Variants in KIF4B observed in about 807,000 individuals in gnomAD.
The protein encoded by KIF4B is chromosome-associated kinesin KIF4B.
KIF4B carries 60 observed loss-of-function variants against 69.0 expected under a neutral mutation model. That is an observed-to-expected ratio of 0.87 (90% CI 0.71 to 1.08). The LOEUF (loss-of-function observed/expected upper bound fraction) is 1.08, where lower values mean the gene tolerates loss of function less well. Ranked by LOEUF, KIF4B falls within the 50% of genes least tolerant of loss-of-function variation. The pLI is 0.00. For missense variants in KIF4B, 1,357 were observed against 1,451.9 expected, an observed-to-expected ratio of 0.93 and a Z score of 1.06; for synonymous variants, 489 against 533.0, an observed-to-expected ratio of 0.92 and a Z score of 1.14.
At position 155,014,602 on chromosome 5, in the gene KIF4B, A is replaced by C. The variant is rs1395922620; in HGVS notation, c.743A>C (p.Lys248Thr). The C allele has an allele frequency of 3.7e-6, 6 of 1,612,516 alleles. No homozygotes were observed. The East Asian group carries it at 1.1e-4, about 30-fold the overall frequency. ...GATCTCGCTGGATCAGAAAGACAGA[A>C]GAAAACCAAGGCTGAAGGGGATCGT... ...LVDLAGSERQ[K>T]KTKAEGDRLK... Residue 248 changes from lysine (K) to threonine (T), a missense_variant, in exon 1 of 1, where the codon AAG becomes ACG. Lys to Thr is a moderately conservative substitution (Grantham distance 78, BLOSUM62 -1). Coordinates refer to ENST00000435029, the MANE Select transcript of KIF4B (RefSeq NM_001099293.3).
chr5:155,016,359 A>C lies in KIF4B; in HGVS notation c.2500A>C (p.Ile834Leu). ...ETEMELRSAQ[I>L]ADLQQKLLDA... ...TGAAATGGAACTCAGGAGTGCTCAG[A>C]TTGCTGACCTACAGCAGAAGCTGCT... Residue 834 changes from isoleucine (I) to leucine (L), a missense_variant, in exon 1 of 1, where the codon ATT becomes CTT. By Grantham distance (5) the Ile-to-Leu change is conservative. Transcript: ENST00000435029. 6.2e-7 allele frequency: 1 copy of C among 1,614,224 alleles called. No homozygotes were observed.
Position 155,014,569 on chromosome 5 carries a change from A to T in KIF4B, c.710A>T (p.His237Leu), listed in dbSNP as rs1765291000. Reference protein sequence around the residue: ...DKNCSFRSKLHLVDLAGSERQ... With the variant: ...DKNCSFRSKLLLVDLAGSERQ... ...AATTGCAGCTTTCGCTCCAAGCTGC[A>T]TCTTGTAGATCTCGCTGGATCAGAA... The change falls in exon 1 of 1, where the codon CAT becomes CTT. Residue 237 changes from histidine to leucine, a missense_variant. His to Leu is a moderately conservative substitution (Grantham distance 99). Coordinates refer to ENST00000435029, the MANE Select transcript of KIF4B (RefSeq NM_001099293.3). 4 of 1,614,174 alleles carry T rather than the reference A, an allele frequency of 2.5e-6. No individual in the cohort carries two copies. In the East Asian group the frequency reaches 8.9e-5, roughly 36 times the overall value.
At position 155,015,162 on chromosome 5, in the gene KIF4B, G is replaced by A. The variant is rs757833636; in HGVS notation, c.1303G>A (p.Glu435Lys). The A allele has an allele frequency of 1.9e-6, 3 of 1,614,238 alleles. No individual in the cohort carries two copies. The highest frequency in any genetic ancestry group is 1.7e-6 in the Non-Finnish European group (2 of 1,180,044). The change falls in exon 1 of 1, where the codon GAA becomes AAA. Residue 435 changes from glutamate (E) to lysine (K), a missense_variant. Glu to Lys is a moderately conservative substitution (Grantham distance 56). Coordinates refer to ENST00000435029, the MANE Select transcript of KIF4B (RefSeq NM_001099293.3). ...QVNEKLNAKL[E>K]ELRQHVACKL... ...GAATGAAAAACTGAACGCCAAGCTA[G>A]AAGAGCTCAGGCAGCATGTGGCCTG...
Position 155,017,797 on chromosome 5 carries a change from G to A in KIF4B, c.*233G>A, listed in dbSNP as rs549364272. ...GCTGCTAAACCACCTGCTGAAGAGA[G>A]AACCAACAGACTTTCCTAATGACTC... On this transcript the variant is annotated 3_prime_UTR_variant, in exon 1 of 1. Coordinates refer to ENST00000435029, the MANE Select transcript of KIF4B (RefSeq NM_001099293.3). 39 of 663,924 alleles carry A rather than the reference G, an allele frequency of 5.9e-5. No individual in the cohort carries two copies. The highest frequency in any genetic ancestry group is 8.9e-5 in the Non-Finnish European group (36 of 403,854). 41.1% of individuals were successfully genotyped at this position (663,924 alleles called of 1,614,324 possible). A position where few individuals can be genotyped will look rare whatever the true frequency, so the allele number is the denominator to read the frequency against.
rs1344937739 is a variant in KIF4B at position 155,015,333 on chromosome 5, G to A, written c.1474G>A (p.Val492Ile). 1 of 1,614,222 alleles carries A rather than the reference G, an allele frequency of 6.2e-7. No individual in the cohort carries two copies. The highest frequency in any genetic ancestry group is 1.3e-5 in the African/African-American group (1 of 75,068). Residue 492 changes from valine (V) to isoleucine (I), a missense_variant, in exon 1 of 1, where the codon GTA (valine) becomes ATA (isoleucine). Transcript: ENST00000435029. ...CACGGCTGCAGCCATTGATACTGCG[G>A]TAGAAGAAGAAGCTCAAGTGGAAAC... ...ACTAAAIDTA[V>I]EEEAQVETSP...
chr5:155,015,971 G>A lies in KIF4B; in HGVS notation c.2112G>A (p.Thr704=), dbSNP rs747737133. 1.2e-5 allele frequency: 19 copies of A among 1,614,206 alleles called. No individual in the cohort carries two copies. The highest frequency in any genetic ancestry group is 1.6e-4 in the Middle Eastern group (1 of 6,062). ...AATCCAGTGTGCTCAGACGTAAAAC[G>A]GAAGAGGCAGCAGCTGCCAACAAGC... is the stretch of plus-strand genomic sequence containing the variant. The part of the protein sequence containing the change: ...QKQSSVLRRK[T]EEAAAANKRL... The change falls in exon 1 of 1, where the codon ACG becomes ACA. Residue 704 remains threonine (T), a synonymous_variant. Transcript: ENST00000435029.
chr5:155,015,450 A>T lies in KIF4B; in HGVS notation c.1591A>T (p.Asn531Tyr). 1 of 1,614,210 alleles carries T rather than the reference A, an allele frequency of 6.2e-7. No homozygotes were observed. The highest frequency in any genetic ancestry group is 8.5e-7 in the Non-Finnish European group (1 of 1,180,040). ...QMSKEVVELN[N>Y]ALALKEALVR... is the part of the protein sequence containing the mutation. The stretch of plus-strand genomic sequence containing the variant: ...GTCTAAGGAGGTGGTTGAGTTGAAT[A>T]ACGCCCTTGCACTGAAAGAGGCCCT... Residue 531 changes from asparagine to tyrosine, a missense_variant, in exon 1 of 1, where the codon AAC becomes TAC. Asn to Tyr is a moderately radical substitution (Grantham distance 143, BLOSUM62 -2). Coordinates refer to ENST00000435029, the MANE Select transcript of KIF4B (RefSeq NM_001099293.3).
Position 155,014,824 on chromosome 5 carries a change from A to G in KIF4B, c.965A>G (p.Glu322Gly). 1.9e-6 allele frequency: 3 copies of G among 1,614,186 alleles called. No individual in the cohort carries two copies. Among genetic ancestry groups the G allele is most frequent in the Non-Finnish European group, 2.5e-6 (3 of 1,180,030 alleles). ...CVSPADSNLE[E>G]TLSTLRYADR... ...AGTCCTGCTGACTCCAATCTAGAGG[A>G]AACATTAAGTACCCTTCGCTATGCT... Residue 322 changes from glutamate (E) to glycine (G), a missense_variant, in exon 1 of 1, where the codon GAA becomes GGA. Transcript: ENST00000435029.
In KIF4B at chr5:155,013,924, A is replaced by G. The variant is rs886261481; in HGVS notation, c.65A>G (p.Lys22Arg). ...CTGCGTTGTCGCCCTCTGGTCCCCAAAGAGATTAGCGAGGGCTGCCAGATG... is the reference window on the plus strand; with the variant it reads ...CTGCGTTGTCGCCCTCTGGTCCCCAGAGAGATTAGCGAGGGCTGCCAGATG... ...VALRCRPLVP[K>R]EISEGCQMCL... The change falls in exon 1 of 1, where the codon AAA (lysine) becomes AGA (arginine). Residue 22 changes from lysine to arginine, a missense_variant. By Grantham distance (26) the Lys-to-Arg change is conservative. Transcript: ENST00000435029. 5.6e-6 allele frequency: 9 copies of G among 1,614,226 alleles called. No homozygotes were observed. The highest frequency in any genetic ancestry group is 1.3e-5 in the African/African-American group (1 of 75,056).
chr5:155,013,800 G>T lies in KIF4B; in HGVS notation c.-60G>T. 6.3e-7 allele frequency: 1 copy of T among 1,596,112 alleles called. No homozygotes were observed. Among genetic ancestry groups the T allele is most frequent in the South Asian group, 1.1e-5 (1 of 88,608 alleles). ...AAAGCTCCGGCTGGGACAGGGCGGC[G>T]GGAGACCCCGGGTGAACGGGGAAGG... On this transcript the variant is annotated 5_prime_UTR_variant, in exon 1 of 1. Transcript: ENST00000435029.
Position 155,014,515 on chromosome 5 carries a change from C to G in KIF4B, c.656C>G (p.Ser219Cys). The G allele has an allele frequency of 6.2e-7, 1 of 1,614,054 alleles. No homozygotes were observed. Among genetic ancestry groups the G allele is most frequent in the Non-Finnish European group, 8.5e-7 (1 of 1,179,974 alleles). Residue 219 changes from serine (S) to cysteine (C), a missense_variant, in exon 1 of 1, where the codon TCC becomes TGC. Transcript: ENST00000435029. ...CGATCTCATGCCATCTTTACAATCT[C>G]CATAGAGCAAAGAAAGAAAAGTGAC... ...SSRSHAIFTI[S>C]IEQRKKSDKN...
chr5:155,014,029 C>G lies in KIF4B; in HGVS notation c.170C>G (p.Pro57Arg). The G allele has an allele frequency of 2.5e-6, 4 of 1,614,182 alleles. No homozygotes were observed. Among genetic ancestry groups the G allele is most frequent in the Non-Finnish European group, 3.4e-6 (4 of 1,180,034 alleles). Residue 57 changes from proline to arginine, a missense_variant, in exon 1 of 1, where the codon CCC becomes CGC. Transcript: ENST00000435029. ...KSFTYDFVFD[P>R]CTEQEEVFNK... ...TTCACCTACGATTTTGTGTTTGACC[C>G]CTGTACTGAGCAGGAAGAAGTCTTC...
At position 155,016,933 on chromosome 5, in the gene KIF4B, CA is replaced by C. The variant is rs769430912; in HGVS notation, c.3078del (p.Lys1026AsnfsTer19). The C allele has an allele frequency of 4.3e-6, 7 of 1,614,194 alleles. No homozygotes were observed. Among genetic ancestry groups the C allele is most frequent in the Admixed American group, 1.7e-5 (1 of 60,022 alleles). ...TCTTTTGAATATATCCCACCTAAGC[CA>C]AAACCTTCTCGTGTTAAAGAAAAGT... ...DSSFEYIPPKPKPSRVKEKFL... is the reference protein window; with the variant it reads ...DSSFEYIPPKXKPSRVKEKFL... On this transcript the variant is annotated frameshift_variant, in exon 1 of 1. Coordinates refer to ENST00000435029, the MANE Select transcript of KIF4B (RefSeq NM_001099293.3). LOFTEE classifies it low-confidence loss of function (END_TRUNC).
chr5:155,015,995 G>A lies in KIF4B; in HGVS notation c.2136G>A (p.Lys712=). ...CGGAAGAGGCAGCAGCTGCCAACAA[G>A]CGACTCAAGGATGCTCTCCAGAAAC... ...RKTEEAAAAN[K]RLKDALQKQR... is the part of the protein sequence containing the mutation. Residue 712 remains lysine, a synonymous_variant, in exon 1 of 1, where the codon AAG becomes AAA. Coordinates refer to ENST00000435029, the MANE Select transcript of KIF4B (RefSeq NM_001099293.3). 6.2e-7 allele frequency: 1 copy of A among 1,614,192 alleles called. No individual in the cohort carries two copies. The highest frequency in any genetic ancestry group is 8.5e-7 in the Non-Finnish European group (1 of 1,180,044).
Position 155,015,059 on chromosome 5 carries a change from A to C in KIF4B, c.1200A>C (p.Glu400Asp). The C allele has an allele frequency of 3.7e-6, 6 of 1,614,180 alleles. No individual in the cohort carries two copies. The highest frequency in any genetic ancestry group is 5.1e-6 in the Non-Finnish European group (6 of 1,180,044). Residue 400 changes from glutamate to aspartate, a missense_variant, in exon 1 of 1, where the codon GAA (glutamate) becomes GAC (aspartate). Glu to Asp is a conservative substitution (Grantham distance 45). Transcript: ENST00000435029. ...ATCAGTCCCTGGTAGAGGAGAATGAAAAATTAAGTCGTTGTCTGAGCAAGG... is the reference window on the plus strand; with the variant it reads ...ATCAGTCCCTGGTAGAGGAGAATGACAAATTAAGTCGTTGTCTGAGCAAGG... ...EKNQSLVEEN[E>D]KLSRCLSKAA...
Position 155,016,391 on chromosome 5 carries a change from AG to A in KIF4B, c.2533del (p.Glu845LysfsTer23). On this transcript the variant is annotated frameshift_variant, in exon 1 of 1. Coordinates refer to ENST00000435029, the MANE Select transcript of KIF4B (RefSeq NM_001099293.3). LOFTEE classifies it high-confidence loss of function. Reference protein sequence around the residue: ...ADLQQKLLDAESEDRPKQCWE... With the variant: ...ADLQQKLLDAXSEDRPKQCWE... ...ACCTACAGCAGAAGCTGCTGGATGC[AG>A]AAAGTGAAGATAGGCCAAAACAATG... is the stretch of plus-strand genomic sequence containing the variant. The A allele has an allele frequency of 3.1e-6, 5 of 1,614,250 alleles. No individual in the cohort carries two copies. The highest frequency in any genetic ancestry group is 4.2e-6 in the Non-Finnish European group (5 of 1,180,044).
At position 155,017,925 on chromosome 5, in the gene KIF4B, G is replaced by A. The variant is rs1765357454; in HGVS notation, c.*361G>A. On this transcript the variant is annotated 3_prime_UTR_variant, in exon 1 of 1. Transcript: ENST00000435029. The stretch of plus-strand genomic sequence containing the variant: ...GCCAAGGCTTTCTTATCTTTTGGTT[G>A]TCTCTGCTTAATGGAGGAGCCTGGC... The A allele has an allele frequency of 4.4e-6, 1 of 229,648 alleles. No individual in the cohort carries two copies. The highest frequency in any genetic ancestry group is 1.0e-4 in the South Asian group (1 of 9,866). The allele number at this position is 229,648 out of a possible 1,614,324, so 14.2% of individuals were successfully genotyped here.
At position 155,014,325 on chromosome 5, in the gene KIF4B, C is replaced by A; in HGVS notation, c.466C>A (p.Arg156Ser). 6.2e-7 allele frequency: 1 copy of A among 1,614,178 alleles called. No individual in the cohort carries two copies. The highest frequency in any genetic ancestry group is 8.5e-7 in the Non-Finnish European group (1 of 1,180,044). The change falls in exon 1 of 1, where the codon CGT (arginine) becomes AGT (serine). Residue 156 changes from arginine to serine, a missense_variant. By Grantham distance (110) the Arg-to-Ser change is moderately radical. Transcript: ENST00000435029. ...EEILDLLCPS[R>S]EKAQINIRED... ...AATTTTGGATCTTCTATGCCCATCTCGTGAGAAAGCTCAAATAAATATACG... is the reference window on the plus strand; with the variant it reads ...AATTTTGGATCTTCTATGCCCATCTAGTGAGAAAGCTCAAATAAATATACG...
Position 155,015,423 on chromosome 5 carries a change from A to T in KIF4B, c.1564A>T (p.Met522Leu). ...TTQHALHQAQ[M>L]SKEVVELNNA... ...TCAGCATGCTCTCCATCAAGCTCAG[A>T]TGTCTAAGGAGGTGGTTGAGTTGAA... The change falls in exon 1 of 1, where the codon ATG becomes TTG. Residue 522 changes from methionine to leucine, a missense_variant. Coordinates refer to ENST00000435029, the MANE Select transcript of KIF4B (RefSeq NM_001099293.3). 6.2e-7 allele frequency: 1 copy of T among 1,614,190 alleles called. No individual in the cohort carries two copies. Among genetic ancestry groups the T allele is most frequent in the South Asian group, 1.1e-5 (1 of 91,082 alleles).
Sources: gnomAD v4.1 joint callset for allele counts on GRCh38, gnomAD v4.1.1 for gene constraint, MANE v1.5 for transcripts, NCBI Gene and HGNC (gene_info 2026-07-23, HGNC 2026-07-21) for gene names.